EXOC4: variants seen among roughly 807,000 people sequenced by gnomAD.
The protein encoded by EXOC4 is exocyst complex component 4.
In EXOC4, 71 loss-of-function variants were observed where a neutral mutation model predicts 107.2. The observed-to-expected ratio is 0.66, with a 90% confidence interval of 0.55 to 0.81. EXOC4 has a LOEUF of 0.81. Among genes scored for constraint, EXOC4 ranks in the 30% least tolerant of loss-of-function variants. The pLI, the probability that EXOC4 is intolerant of heterozygous loss-of-function variation, is 0.00. For synonymous variants in EXOC4, 456 were observed against 441.2 expected (o/e 1.03, Z -0.42); for missense variants, 1,108 against 1,189.6 (o/e 0.93, Z 1.01).
intron 10 of EXOC4, among the ~76,000 whole-genome samples, chr7:133,670,051 T>A (rs1039155496): frequency 1.8e-4 from 28 of 152,200 alleles, no homozygotes; most frequent in Admixed American, 6.5e-5. Flanking sequence ...TATTACAAAG[T>A]CATGATTAGT....
intron 12 of EXOC4, among the ~76,000 whole-genome samples, chr7:133,908,653 G>A (rs1449759447): frequency 6.6e-6 from 1 of 152,184 alleles, no homozygotes; most frequent in East Asian, 1.9e-4. Context: ...GGGTGGTTGT[G>A]AGGATTAAAA....
chr7:133,768,166 A>G (rs1796175958), intron 10 of EXOC4: 1 of 152,014 alleles, frequency 6.6e-6, no homozygotes, highest in Non-Finnish European at 1.5e-5. Context: ...GAAACAACAA[A>G]CATATTGCTT....
chr7:133,821,870 T>A (rs1251325181), intron 11 of EXOC4, among the ~76,000 whole-genome samples: 1 of 152,170 alleles, frequency 6.6e-6, no homozygotes, highest in Admixed American at 6.5e-5. Flanking sequence ...AATGGATGAA[T>A]GAATGAGTGA....
chr7:133,966,856 G>T (rs1258292102), intron 14 of EXOC4, among the ~76,000 whole-genome samples: 1 of 152,206 alleles, frequency 6.6e-6, no homozygotes, highest in Non-Finnish European at 1.5e-5. Flanking sequence ...GGGTTAGGGA[G>T]GAGTCCCTCT....
chr7:133,329,181 C>T (rs919695750), intron 5 of EXOC4, among the ~76,000 whole-genome samples: 1 of 152,176 alleles, frequency 6.6e-6, no homozygotes, highest in African/African-American at 2.4e-5. Flanking sequence ...TCTTCAATCA[C>T]TGATATCATT....
At chr7:133,521,846 G>A (rs1269944790) in intron 9 of EXOC4, among the ~76,000 whole-genome samples, 1 of 151,490 alleles carries the variant, frequency 6.6e-6, no homozygotes, top group East Asian at 1.9e-4. Flanking sequence ...GTCTCGATCT[G>A]CTGACCTCGT....
chr7:133,487,011 A>G (rs572672177), intron 9 of EXOC4, among the ~76,000 whole-genome samples: 9 of 152,332 alleles, frequency 5.9e-5, no homozygotes, highest in Non-Finnish European at 8.8e-5. Flanking sequence ...GTAGACATTT[A>G]TTTAAAAATA....
chr7:133,841,475 T>G (rs566174280), intron 11 of EXOC4, among the ~76,000 whole-genome samples: 1 of 152,272 alleles, frequency 6.6e-6, no homozygotes, highest in South Asian at 2.1e-4. Context: ...GAATATAGTA[T>G]CCACAATGGG....
At chr7:133,378,341 A>T (rs1796536448) in intron 7 of EXOC4, among the ~76,000 whole-genome samples, 1 of 151,324 alleles carries the variant, frequency 6.6e-6, no homozygotes, top group Non-Finnish European at 1.5e-5. Context: ...TTTCAGGCTG[A>T]AGGAAAATAA....
chr7:133,292,336 A>C (rs1794426648), intron 3 of EXOC4, among the ~76,000 whole-genome samples: 1 of 152,168 alleles, frequency 6.6e-6, no homozygotes, highest in Non-Finnish European at 1.5e-5. Flanking sequence ...TGTGAACCTA[A>C]TATTCCTTTC....
At chr7:133,356,626 C>G in intron 6 of EXOC4, 53 bp downstream of exon 6, 1 of 1,595,460 alleles carries the variant, frequency 6.3e-7, no homozygotes, top group Non-Finnish European at 8.6e-7. Flanking sequence ...TGCACATTTT[C>G]TAGGGTGGGG....
intron 10 of EXOC4, among the ~76,000 whole-genome samples, chr7:133,720,936 C>G (rs1489602935): frequency 1.3e-5 from 2 of 152,042 alleles, no homozygotes; most frequent in African/African-American, 4.8e-5. Flanking sequence ...AATATAGGAG[C>G]CTTCGATTTT....
intron 11 of EXOC4, among the ~76,000 whole-genome samples, chr7:133,827,906 G>C (rs1239703271): frequency 1.3e-5 from 2 of 152,170 alleles, no homozygotes; most frequent in African/African-American, 4.8e-5. Flanking sequence ...GGCTGTTTCA[G>C]AATGACATCA....
rs978751318 is a variant in EXOC4 at position 133,848,060 on chromosome 7, C to G, written c.1734+30516C>G. 4.6e-5 allele frequency among the ~76,000 whole-genome samples: 7 copies of G among 151,788 alleles called. No individual in the cohort carries two copies. The East Asian group carries it at 1.4e-3, about 29-fold the overall frequency. Reference sequence around the variant, plus strand: ...GTCACTTCTAATTCCTCACAGCTATCCCAGAATGTCTTTGAACACAGGATT... The same window carrying G: ...GTCACTTCTAATTCCTCACAGCTATGCCAGAATGTCTTTGAACACAGGATT... On this transcript the variant is annotated intron_variant, in intron 11 of 17. Coordinates refer to ENST00000253861, the MANE Select transcript of EXOC4 (RefSeq NM_021807.4).
intron 17 of EXOC4, among the ~76,000 whole-genome samples, chr7:134,029,167 A>G (rs1795211337): frequency 6.6e-6 from 1 of 152,190 alleles, no homozygotes; most frequent in Non-Finnish European, 1.5e-5. Context: ...TAATGTCTTC[A>G]TTGTCTGTTT....
At chr7:133,992,753 C>G (rs758210541) in intron 14 of EXOC4, among the ~76,000 whole-genome samples, 1 of 148,054 alleles carries the variant, frequency 6.8e-6, no homozygotes, top group Non-Finnish European at 1.5e-5. Flanking sequence ...CTTTCTTTAT[C>G]TTACCTAATT....
At chr7:133,988,074 G>A (rs1172996747) in intron 14 of EXOC4, among the ~76,000 whole-genome samples, 2 of 152,290 alleles carry the variant, frequency 1.3e-5, no homozygotes, top group South Asian at 4.1e-4. Context: ...GAGATGCTGG[G>A]TACTTAATGC....
At chr7:133,574,292 A>G (rs969195267) in intron 9 of EXOC4, among the ~76,000 whole-genome samples, 4 of 152,132 alleles carry the variant, frequency 2.6e-5, no homozygotes, top group East Asian at 1.9e-4. Context: ...ATAAATATGA[A>G]CTCTATATAC....
chr7:133,591,132 C>T (rs915129451), intron 9 of EXOC4, among the ~76,000 whole-genome samples: 2 of 152,190 alleles, frequency 1.3e-5, no homozygotes, highest in African/African-American at 4.8e-5. Flanking sequence ...AGGGAACTAT[C>T]CTATTTCAAT....
Sources: allele counts gnomAD v4.1 joint callset (sites outside exome capture counted in the v4.1 genomes callset), GRCh38; gene constraint gnomAD v4.1.1; transcripts MANE v1.5; gene names NCBI Gene and HGNC (gene_info 2026-07-23, HGNC 2026-07-21).